Variants in VAV3 observed in about 807,000 individuals in gnomAD.
VAV3 encodes the protein vav guanine nucleotide exchange factor 3, also known as guanine nucleotide exchange factor VAV3.
In VAV3, 94 loss-of-function variants were observed where a neutral mutation model predicts 131.2. The observed-to-expected ratio is 0.72, with a 90% CI of 0.61 to 0.85. The LOEUF (loss-of-function observed/expected upper bound fraction) is 0.85, where lower values mean the gene tolerates loss of function less well. Among genes scored for constraint, VAV3 ranks in the 40% least tolerant of loss-of-function variants. VAV3 has a pLI of 0.00. For synonymous variants in VAV3, 349 were observed against 342.0 expected, an observed-to-expected ratio of 1.02 and a Z score of -0.22; for missense variants, 939 against 1,002.7, an observed-to-expected ratio of 0.94 and a Z score of 0.86.
At chr1:107,826,629 A>T (rs1668026040) in intron 2 of VAV3, among the ~76,000 whole-genome samples, 1 of 152,308 alleles carries the variant, frequency 6.6e-6, no homozygotes, top group South Asian at 2.1e-4. Context: ...TTCCAATGTT[A>T]GCGAAAGTCA....
intron 2 of VAV3, among the ~76,000 whole-genome samples, chr1:107,810,495 T>C (rs1219348220): frequency 6.6e-6 from 1 of 152,216 alleles, no homozygotes; most frequent in African/African-American, 2.4e-5. Flanking sequence ...TGATAATTTT[T>C]AAAATTGCTA....
At chr1:107,838,738 G>A (rs917779322) in intron 2 of VAV3, among the ~76,000 whole-genome samples, 3 of 152,028 alleles carry the variant, frequency 2.0e-5, no homozygotes, top group African/African-American at 7.2e-5. Context: ...ATAAGAAATT[G>A]TACACCATGG....
intron 6 of VAV3, among the ~76,000 whole-genome samples, chr1:107,770,083 T>C (rs1325142889): frequency 3.3e-5 from 5 of 152,054 alleles, no homozygotes; most frequent in African/African-American, 1.2e-4. Flanking sequence ...TCAGTCCCCT[T>C]CCCTCATTCT....
At chr1:107,814,745 A>C (rs1207535523) in intron 2 of VAV3, among the ~76,000 whole-genome samples, 1 of 152,214 alleles carries the variant, frequency 6.6e-6, no homozygotes, top group African/African-American at 2.4e-5. Flanking sequence ...AATAATTTTG[A>C]GCAATGCAGA....
In VAV3 at chr1:107,600,376, T is replaced by C. The variant is rs551361799; in HGVS notation, c.2220+2021A>G. Reference sequence around the variant, plus strand: ...TTTTTCTTTTCATAATTACATCCTTTGCTAATGTTTGTTAGTTTCATTTTG... The same window carrying C: ...TTTTTCTTTTCATAATTACATCCTTCGCTAATGTTTGTTAGTTTCATTTTG... On this transcript the variant is annotated intron_variant, in intron 24 of 26. Coordinates refer to ENST00000370056, the MANE Select transcript of VAV3 (RefSeq NM_006113.5). Among the ~76,000 whole-genome samples, 7 of 152,336 alleles carry C rather than the reference T, an allele frequency of 4.6e-5. No homozygotes were observed. The East Asian group carries it at 5.8e-4, about 13-fold the overall frequency.
chr1:107,602,910 T>C (rs1651977992), intron 23 of VAV3, 137 bp downstream of exon 23: 1 of 630,114 alleles, frequency 1.6e-6, no homozygotes, highest in Non-Finnish European at 2.7e-6. Flanking sequence ...CAAGTATTAA[T>C]GAACTGTCTG....
intron 2 of VAV3, among the ~76,000 whole-genome samples, chr1:107,832,119 G>C (rs756098136): frequency 1.3e-5 from 2 of 152,250 alleles, no homozygotes; most frequent in Non-Finnish European, 2.9e-5. Flanking sequence ...GGAAGTGGCA[G>C]TGAAGGGATG....
Position 107,683,524 on chromosome 1 carries a change from T to C in VAV3, c.1741A>G (p.Asn581Asp). The C allele has an allele frequency of 6.2e-7, 1 of 1,614,028 alleles. No homozygotes were observed. Among genetic ancestry groups the C allele is most frequent in the Non-Finnish European group, 8.5e-7 (1 of 1,179,902 alleles). The change falls in exon 19 of 27, where the codon AAT (asparagine) becomes GAT (aspartate). Residue 581 changes from asparagine to aspartate, a missense_variant. Asn to Asp is a conservative substitution (Grantham distance 23). Transcript: ENST00000370056. ...GTLKLPEKRT[N>D]GLRRTPKQVD... ...TGTTTAGGAGTTCTTCGCAGTCCAT[T>C]GGTCCGTTTCTGTGCAGTAAAGTAA... is the stretch of plus-strand genomic sequence containing the variant.
At chr1:107,700,905 A>G (rs1660079954) in intron 17 of VAV3, among the ~76,000 whole-genome samples, 1 of 152,182 alleles carries the variant, frequency 6.6e-6, no homozygotes, top group Admixed American at 6.5e-5. Flanking sequence ...GAACTAATTT[A>G]CATTCCCACC....
chr1:107,600,300 A>T (rs1651743801), intron 24 of VAV3, among the ~76,000 whole-genome samples: 1 of 152,088 alleles, frequency 6.6e-6, no homozygotes, highest in Admixed American at 6.6e-5. Context: ...TTATTTACTA[A>T]ACTTGATAAA....
intron 2 of VAV3, among the ~76,000 whole-genome samples, chr1:107,787,265 A>G (rs1400471787): frequency 6.6e-6 from 1 of 152,172 alleles, no homozygotes; most frequent in South Asian, 2.1e-4. Flanking sequence ...TGAACACTTC[A>G]TTCTGTGCTA....
intron 2 of VAV3, among the ~76,000 whole-genome samples, chr1:107,792,056 T>C (rs1666312568): frequency 6.6e-6 from 1 of 152,186 alleles, no homozygotes; most frequent in Admixed American, 6.5e-5. Flanking sequence ...ATAGCACTCA[T>C]TAATCCTTGG....
chr1:107,838,193 TA>T (rs1668556489), intron 2 of VAV3, among the ~76,000 whole-genome samples: 1 of 152,018 alleles, frequency 6.6e-6, no homozygotes, highest in South Asian at 2.1e-4. Flanking sequence ...AAGAAGAATA[TA>T]TTCGCAAACT....
chr1:107,699,043 A>G (rs1173687760), intron 17 of VAV3, among the ~76,000 whole-genome samples: 1 of 152,186 alleles, frequency 6.6e-6, no homozygotes, highest in African/African-American at 2.4e-5. Flanking sequence ...GGCCCCTCCC[A>G]AAACTCACAT....
chr1:107,763,049 A>G lies in VAV3; in HGVS notation c.921+2027T>C, dbSNP rs146727924. ...CAACAAGAACAAAAATAACCACAAA[A>G]CAGAAGACACAAAGAAGGCAGAAAG... On this transcript the variant is annotated intron_variant, in intron 9 of 26. Coordinates refer to ENST00000370056, the MANE Select transcript of VAV3 (RefSeq NM_006113.5). 4.4e-3 allele frequency among the ~76,000 whole-genome samples: 674 copies of G among 152,344 alleles called. 5 individuals are homozygous for G. The highest frequency in any genetic ancestry group is 0.016 in the African/African-American group (646 of 41,566).
chr1:107,931,119 C>G (rs1456409344), intron 1 of VAV3, among the ~76,000 whole-genome samples: 2 of 152,062 alleles, frequency 1.3e-5, no homozygotes, highest in African/African-American at 4.8e-5. Flanking sequence ...TGTTTGGATC[C>G]TTCTTTGGAG....
intron 2 of VAV3, among the ~76,000 whole-genome samples, chr1:107,832,080 A>C (rs17020146): frequency 0.092 from 14,048 of 152,254 alleles, 835 homozygotes; most frequent in East Asian, 0.26. Flanking sequence ...GGTGTGAAGT[A>C]AAGTCAGTCT....
At chr1:107,724,605 G>A (rs1661715261) in intron 15 of VAV3, among the ~76,000 whole-genome samples, 2 of 152,188 alleles carry the variant, frequency 1.3e-5, no homozygotes, top group South Asian at 4.1e-4. Flanking sequence ...AAGAGAGATT[G>A]GACAATCCTA....
intron 17 of VAV3, among the ~76,000 whole-genome samples, chr1:107,694,273 TG>T (rs1659615251): frequency 6.6e-6 from 1 of 152,046 alleles, no homozygotes; most frequent in Admixed American, 6.6e-5. Context: ...AATGAAAGGG[TG>T]GTCCTTGGAA....
Sources: allele counts gnomAD v4.1 joint callset (sites outside exome capture counted in the v4.1 genomes callset), GRCh38; gene constraint gnomAD v4.1.1; transcripts MANE v1.5; gene names NCBI Gene and HGNC (gene_info 2026-07-23, HGNC 2026-07-21).